Variants in BAIAP2 observed in about 807,000 individuals in gnomAD.
BAIAP2 encodes the protein BAR/IMD domain-containing adapter protein 2.
BAIAP2 carries 18 observed loss-of-function variants against 63.0 expected under a neutral mutation model. The ratio of observed to expected loss-of-function variants is 0.29; its 90% CI spans 0.20 to 0.42. The LOEUF is 0.42. BAIAP2 is among the 10% of genes least tolerant of loss of function. The pLI is 1.00. For synonymous variants in BAIAP2, 386 were observed against 307.6 expected, an observed-to-expected ratio of 1.25 and a Z score of -2.67; for missense variants, 610 against 734.3, an observed-to-expected ratio of 0.83 and a Z score of 1.96.
chr17:81,093,858 C>T (rs930947766), intron 6 of BAIAP2, among the ~76,000 whole-genome samples: 1 of 152,196 alleles, frequency 6.6e-6, no homozygotes, highest in African/African-American at 2.4e-5. Context: ...TGGAGTCTGG[C>T]GACGTGCGGG....
intron 6 of BAIAP2, among the ~76,000 whole-genome samples, chr17:81,091,914 G>T (rs985317854): frequency 1.3e-5 from 2 of 151,656 alleles, no homozygotes; most frequent in African/African-American, 2.4e-5. Context: ...CTGGCTGGTG[G>T]TGCAGCCATG....
At chr17:81,090,417 C>T (rs2056516126) in intron 6 of BAIAP2, among the ~76,000 whole-genome samples, 1 of 152,160 alleles carries the variant, frequency 6.6e-6, no homozygotes, top group Non-Finnish European at 1.5e-5. Context: ...GGGGCTTCAA[C>T]TCTTAACCAC....
At chr17:81,047,516 G>A (rs529362412) in intron 1 of BAIAP2, among the ~76,000 whole-genome samples, 46 of 152,220 alleles carry the variant, frequency 3.0e-4, no homozygotes, top group African/African-American at 9.1e-4. Flanking sequence ...TCCAGCACAC[G>A]CATGAGTGCA....
Position 81,048,999 on chromosome 17 carries a change from G to T in BAIAP2, c.55-4669G>T, listed in dbSNP as rs143592368. ...GCAGGACCCCCTTCATAGGCAGGCC[G>T]GCCCAGGACCCCCCCTGGGGTGGGA... On this transcript the variant is annotated intron_variant, in intron 1 of 13. Transcript: ENST00000428708. 1.2e-4 allele frequency among the ~76,000 whole-genome samples: 19 copies of T among 152,306 alleles called. No individual in the cohort carries two copies. The East Asian group carries it at 3.7e-3, about 29-fold the overall frequency.
intron 3 of BAIAP2, among the ~76,000 whole-genome samples, chr17:81,075,804 G>A (rs1030654037): frequency 2.6e-5 from 4 of 152,192 alleles, no homozygotes; most frequent in African/African-American, 9.7e-5. Flanking sequence ...GGCACATTGG[G>A]GCCCCCAGTA....
rs138287779 is a variant in BAIAP2, at chr17:81,058,634, C to T, written c.217+667C>T. Among the ~76,000 whole-genome samples the T allele has an allele frequency of 4.5e-3, 681 of 152,360 alleles. 3 individuals carry two copies. Among genetic ancestry groups the T allele is most frequent in the African/African-American group, 0.015 (635 of 41,584 alleles). Reference sequence around the variant, plus strand: ...GCTGCCTGTGCTCACTTGCTGCTCCCAGAGCGAGCTGTGGCCGGCAGAGCG... The same window carrying T: ...GCTGCCTGTGCTCACTTGCTGCTCCTAGAGCGAGCTGTGGCCGGCAGAGCG... On this transcript the variant is annotated intron_variant, in intron 3 of 13. Coordinates refer to ENST00000428708, the MANE Select transcript of BAIAP2 (RefSeq NM_001144888.2).
chr17:81,104,843 A>G (rs2058932934), intron 10 of BAIAP2, 128 bp downstream of exon 10: 3 of 1,016,380 alleles, frequency 3.0e-6, no homozygotes, highest in Non-Finnish European at 4.3e-6. Flanking sequence ...CTCGCCGTAG[A>G]AGACCTGGGC....
intron 6 of BAIAP2, among the ~76,000 whole-genome samples, chr17:81,099,408 G>C (rs947089267): frequency 6.6e-6 from 1 of 151,526 alleles, no homozygotes; most frequent in Non-Finnish European, 1.5e-5. Flanking sequence ...CTGGGCTCCA[G>C]CTCTCCTGCC....
intron 1 of BAIAP2, among the ~76,000 whole-genome samples, chr17:81,047,573 A>G (rs985914226): frequency 4.6e-5 from 7 of 151,908 alleles, no homozygotes; most frequent in African/African-American, 1.7e-4. Context: ...ACATGGGTCC[A>G]GCTCATGCCC....
chr17:81,097,703 A>C, intron 6 of BAIAP2: 1 of 158,818 alleles, frequency 6.3e-6, no homozygotes, highest in Non-Finnish European at 1.4e-5. Flanking sequence ...CAAGGTAGGT[A>C]GGCACAGGAG....
At chr17:81,066,606 C>T (rs2051508875) in intron 3 of BAIAP2, among the ~76,000 whole-genome samples, 1 of 152,230 alleles carries the variant, frequency 6.6e-6, no homozygotes, top group South Asian at 2.1e-4. Flanking sequence ...ATCTCTGCGT[C>T]TCTGAAACGT....
chr17:81,098,319 C>A, intron 6 of BAIAP2: 1 of 612,968 alleles, frequency 1.6e-6, no homozygotes, highest in Non-Finnish European at 2.4e-6. Context: ...CTCTCTCCCC[C>A]AAACTCCCCC....
rs115738633 is a variant in BAIAP2, at chr17:81,076,663, G to A, written c.218-8169G>A. On this transcript the variant is annotated intron_variant, in intron 3 of 13. Coordinates refer to ENST00000428708, the MANE Select transcript of BAIAP2 (RefSeq NM_001144888.2). ...CAGTGGATGCCGGCAGAAACGCCTCGTGTATCCATAGGGTGAAGTTGTATT... is the reference window on the plus strand; with the variant it reads ...CAGTGGATGCCGGCAGAAACGCCTCATGTATCCATAGGGTGAAGTTGTATT... Among the ~76,000 whole-genome samples, 688 of 152,262 alleles carry A rather than the reference G, an allele frequency of 4.5e-3. 6 individuals are homozygous for A. Among genetic ancestry groups the A allele is most frequent in the African/African-American group, 0.016 (669 of 41,534 alleles).
At chr17:81,086,849 G>A (rs1051060094) in intron 6 of BAIAP2, 9 of 441,960 alleles carry the variant, frequency 2.0e-5, no homozygotes, top group African/African-American at 1.6e-4. Context: ...AACCTAAATG[G>A]AGTCCTCCCC....
chr17:81,080,235 G>C (rs560427372), intron 3 of BAIAP2, among the ~76,000 whole-genome samples: 21 of 152,332 alleles, frequency 1.4e-4, no homozygotes, highest in Non-Finnish European at 2.9e-4. Flanking sequence ...CTCCCGGCTG[G>C]GGCGCCTGCG....
intron 3 of BAIAP2, among the ~76,000 whole-genome samples, chr17:81,076,798 A>G (rs963560569): frequency 1.3e-5 from 2 of 151,984 alleles, no homozygotes; most frequent in Non-Finnish European, 2.9e-5. Context: ...GTGAGACCCC[A>G]TGTCTACAAA....
intron 13 of BAIAP2, chr17:81,109,679 C>G (rs1485989248): frequency 1.0e-6 from 1 of 985,286 alleles, no homozygotes; most frequent in African/African-American, 1.7e-5. Context: ...CTGGACACTG[C>G]GGGCCAGGTG....
At chr17:81,068,584 C>T (rs1001459400) in intron 3 of BAIAP2, among the ~76,000 whole-genome samples, 9 of 152,224 alleles carry the variant, frequency 5.9e-5, no homozygotes, top group Non-Finnish European at 4.4e-5. Flanking sequence ...ACCCCGCAGT[C>T]AGCAGCCGCA....
chr17:81,043,115 C>T (rs1019785795), intron 1 of BAIAP2, among the ~76,000 whole-genome samples: 8 of 152,172 alleles, frequency 5.3e-5, no homozygotes, highest in African/African-American at 1.7e-4. Flanking sequence ...GATCCTCCCA[C>T]CTCGGCCTCC....
Sources: allele counts gnomAD v4.1 joint callset (sites outside exome capture counted in the v4.1 genomes callset), GRCh38; gene constraint gnomAD v4.1.1; transcripts MANE v1.5; gene names NCBI Gene and HGNC (gene_info 2026-07-23, HGNC 2026-07-21).